LMX1A: variants seen among roughly 807,000 people sequenced by gnomAD.
LMX1A encodes the protein LIM homeobox transcription factor 1-alpha.
Under a neutral mutation model 49.1 loss-of-function variants are expected in LMX1A, and 15 were observed. The ratio of observed to expected loss-of-function variants is 0.31; its 90% confidence interval spans 0.20 to 0.47. The LOEUF (loss-of-function observed/expected upper bound fraction) is 0.47. Ranked by LOEUF, LMX1A falls within the 20% of genes least tolerant of loss-of-function variation. LMX1A has a pLI of 1.00. For missense variants in LMX1A, 372 were observed against 475.8 expected, an observed-to-expected ratio of 0.78 and a Z score of 2.03; for synonymous variants, 167 against 185.7, an observed-to-expected ratio of 0.90 and a Z score of 0.82.
At chr1:165,324,826 A>C (rs1655520687) in intron 3 of LMX1A, among the ~76,000 whole-genome samples, 1 of 152,172 alleles carries the variant, frequency 6.6e-6, no homozygotes, top group Non-Finnish European at 1.5e-5. Flanking sequence ...AGGTTTTCTG[A>C]CTCCAAATAC....
chr1:165,249,534 C>T lies in LMX1A; in HGVS notation c.370G>A (p.Val124Ile). 1 of 1,614,152 alleles carries T rather than the reference C, an allele frequency of 6.2e-7. No individual in the cohort carries two copies. Among genetic ancestry groups the T allele is most frequent in the South Asian group, 1.1e-5 (1 of 91,084 alleles). The change falls in exon 4 of 9, where the codon GTC becomes ATC. Residue 124 changes from valine (V) to isoleucine (I), a missense_variant. This residue lies in a region of LMX1A where 199 missense variants were observed against 244.0 expected (regional missense o/e 0.82). Transcript: ENST00000342310. ...VYHLSCFCCC[V>I]CERQLQKGDE... is the part of the protein sequence containing the mutation. Reference sequence around the variant, plus strand: ...CCCTTCTGAAGCTGTCGCTCGCAGACACAGCAGCAGAAGCAGCTCAGGTGG... The same window carrying T: ...CCCTTCTGAAGCTGTCGCTCGCAGATACAGCAGCAGAAGCAGCTCAGGTGG...
At chr1:165,310,976 T>C (rs1168532207) in intron 3 of LMX1A, among the ~76,000 whole-genome samples, 1 of 152,270 alleles carries the variant, frequency 6.6e-6, no homozygotes, top group Non-Finnish European at 1.5e-5. Flanking sequence ...TTCACCATGA[T>C]GTCCCCCAGA....
intron 3 of LMX1A, among the ~76,000 whole-genome samples, chr1:165,321,866 A>G (rs1983037): frequency 0.87 from 132,857 of 152,130 alleles, 58,489 homozygotes; most frequent in East Asian, 0.94. Context: ...TAACATATAC[A>G]GGTCTAGTAT....
At chr1:165,208,945 C>T (rs1484072772) in intron 6 of LMX1A, among the ~76,000 whole-genome samples, 1 of 152,200 alleles carries the variant, frequency 6.6e-6, no homozygotes, top group African/African-American at 2.4e-5. Context: ...CCACGCCCGG[C>T]CCCCTGAAGG....
rs537437059 is a variant in LMX1A at position 165,226,582 on chromosome 1, G to A, written c.497-12769C>T. Among the ~76,000 whole-genome samples, 317 of 152,284 alleles carry A rather than the reference G, an allele frequency of 2.1e-3. 4 individuals are homozygous for A. Among genetic ancestry groups the A allele is most frequent in the African/African-American group, 7.4e-3 (307 of 41,556 alleles). The stretch of plus-strand genomic sequence containing the variant: ...AACAAGAAAAAAACTTGCCATTGTG[G>A]GTGCAGCTGAGCTTCGGGAATCATA... On this transcript the variant is annotated intron_variant, in intron 4 of 8. Coordinates refer to ENST00000342310, the MANE Select transcript of LMX1A (RefSeq NM_177398.4).
At chr1:165,209,411 G>A (rs1651269243) in intron 6 of LMX1A, among the ~76,000 whole-genome samples, 1 of 152,178 alleles carries the variant, frequency 6.6e-6, no homozygotes, top group South Asian at 2.1e-4. Context: ...GCTTCAGGGT[G>A]GAGAATGATA....
chr1:165,323,659 A>T (rs1655485393), intron 3 of LMX1A, among the ~76,000 whole-genome samples: 1 of 152,168 alleles, frequency 6.6e-6, no homozygotes. Flanking sequence ...TCTGAATCCA[A>T]ATTTACCTAC....
In LMX1A at chr1:165,337,888, CTG is replaced by C. The variant is rs6143463; in HGVS notation, c.263+15186_263+15187del. Among the ~76,000 whole-genome samples, 111 of 147,032 alleles carry C rather than the reference CTG, an allele frequency of 7.5e-4. 1 individual carries two copies. Among genetic ancestry groups the C allele is most frequent in the African/African-American group, 2.5e-3 (97 of 38,752 alleles). On this transcript the variant is annotated intron_variant, in intron 3 of 8. Coordinates refer to ENST00000342310, the MANE Select transcript of LMX1A (RefSeq NM_177398.4). ...TCTGTGCATCTGTGTGTGTGTGTTT[CTG>C]TGTGTGTGTGTGTGTGTTACTACCC... is the stretch of plus-strand genomic sequence containing the variant.
At chr1:165,248,816 CA>C (rs1255867083) in intron 4 of LMX1A, among the ~76,000 whole-genome samples, 7 of 152,126 alleles carry the variant, frequency 4.6e-5, no homozygotes, top group Non-Finnish European at 8.8e-5. Flanking sequence ...TATACCTGGG[CA>C]AGGGTTTGTG....
chr1:165,225,368 C>T lies in LMX1A; in HGVS notation c.497-11555G>A, dbSNP rs537172823. Among the ~76,000 whole-genome samples, 4 of 152,336 alleles carry T rather than the reference C, an allele frequency of 2.6e-5. No homozygotes were observed. In the South Asian group the frequency reaches 8.3e-4, roughly 32 times the overall value. On this transcript the variant is annotated intron_variant, in intron 4 of 8. Transcript: ENST00000342310. ...ACTGATTATAATTGTATGCAGTGAA[C>T]TCCACTACAATCATTCGGAAATTAT...
chr1:165,216,515 T>C (rs939121276), intron 4 of LMX1A, among the ~76,000 whole-genome samples: 22 of 152,066 alleles, frequency 1.4e-4, no homozygotes, highest in African/African-American at 4.8e-4. Flanking sequence ...TCCTTCAAGG[T>C]AGGCAAGAAA....
chr1:165,279,910 T>C (rs1484126247), intron 3 of LMX1A, among the ~76,000 whole-genome samples: 1 of 151,422 alleles, frequency 6.6e-6, no homozygotes, highest in Non-Finnish European at 1.5e-5. Flanking sequence ...CAAGTGCTCG[T>C]TTTACTGCCT....
Position 165,208,114 on chromosome 1 carries a change from G to A in LMX1A, c.766C>T (p.Arg256Ter), listed in dbSNP as rs1310771479. The A allele has an allele frequency of 1.9e-6, 3 of 1,613,724 alleles. No individual in the cohort carries two copies. Among genetic ancestry groups the A allele is most frequent in the Non-Finnish European group, 2.5e-6 (3 of 1,179,964 alleles). Residue 256 changes from arginine (R) to a stop codon, truncating the protein, a stop_gained, in exon 7 of 9, where the codon CGA (arginine) becomes TGA (stop). Coordinates refer to ENST00000342310, the MANE Select transcript of LMX1A (RefSeq NM_177398.4). LOFTEE classifies it high-confidence loss of function. The part of the protein sequence containing the change: ...QRAKMKKLAR[R>*]QQQQQQDQQN... ...TGATCTTGCTGCTGCTGCTGCTGTC[G>A]CCTGGCCAGCTTCTTCATCTGATAA...
At chr1:165,265,064 C>A (rs1284117581) in intron 3 of LMX1A, among the ~76,000 whole-genome samples, 4 of 151,952 alleles carry the variant, frequency 2.6e-5, no homozygotes, top group Admixed American at 6.6e-5. Flanking sequence ...ATTAGCCGGG[C>A]ATGGTGGCGG....
At chr1:165,221,711 G>A (rs1302396721) in intron 4 of LMX1A, among the ~76,000 whole-genome samples, 2 of 152,262 alleles carry the variant, frequency 1.3e-5, no homozygotes, top group South Asian at 2.1e-4. Flanking sequence ...AGCCCGCCAC[G>A]GCCTGGATGC....
At chr1:165,209,843 A>G (rs571920157) in intron 6 of LMX1A, among the ~76,000 whole-genome samples, 4 of 152,250 alleles carry the variant, frequency 2.6e-5, no homozygotes, top group Admixed American at 6.5e-5. Flanking sequence ...GATCCGAAGC[A>G]TAGGTAAAAC....
chr1:165,284,184 A>G (rs1654237088), intron 3 of LMX1A, among the ~76,000 whole-genome samples: 1 of 152,242 alleles, frequency 6.6e-6, no homozygotes, highest in Non-Finnish European at 1.5e-5. Context: ...TGACTGTAAT[A>G]TCAGCCTTGC....
intron 6 of LMX1A, among the ~76,000 whole-genome samples, chr1:165,208,709 C>T (rs537971916): frequency 1.3e-4 from 19 of 151,336 alleles, no homozygotes; most frequent in Non-Finnish European, 2.9e-5. Context: ...TGCAGTGGCG[C>T]GATCTCGGCT....
At chr1:165,348,625 G>T (rs1656323973) in intron 3 of LMX1A, among the ~76,000 whole-genome samples, 1 of 152,096 alleles carries the variant, frequency 6.6e-6, no homozygotes, top group Non-Finnish European at 1.5e-5. Context: ...TGTAACAATT[G>T]CCTCTGTCAT....
Sources: allele counts gnomAD v4.1 joint callset (sites outside exome capture counted in the v4.1 genomes callset), GRCh38; gene constraint gnomAD v4.1.1; regional missense constraint gnomAD v4.1.1; transcripts MANE v1.5; gene names NCBI Gene and HGNC (gene_info 2026-07-23, HGNC 2026-07-21).